The following LINGO2 variants were observed in gnomAD, a reference collection of about 807,000 sequenced individuals.
LINGO2 encodes the protein leucine-rich repeat and immunoglobulin-like domain-containing nogo receptor-interacting protein 2.
A neutral mutation model predicts 30.6 loss-of-function variants in LINGO2; 14 were observed. The ratio of observed to expected loss-of-function variants is 0.46; its 90% CI spans 0.30 to 0.72. LINGO2 has a LOEUF of 0.72. LINGO2 is among the 30% of genes least tolerant of loss of function. The pLI is 0.07. For synonymous variants in LINGO2, 317 were observed against 288.5 expected, an observed-to-expected ratio of 1.10 and a Z score of -1.00; for missense variants, 729 against 751.7, an observed-to-expected ratio of 0.97 and a Z score of 0.35.
intron 3 of LINGO2, among the ~76,000 whole-genome samples, chr9:28,309,306 C>G (rs577356545): frequency 6.6e-6 from 1 of 151,796 alleles, no homozygotes; most frequent in African/African-American, 2.4e-5. Flanking sequence ...ATTGGAAATC[C>G]TCATTCTCAG....
the LINGO2 span, among the ~76,000 whole-genome samples, chr9:28,704,550 C>A: frequency 2.6e-5 from 4 of 151,826 alleles, no homozygotes; most frequent in African/African-American, 7.3e-5. Flanking sequence ...GAAGTTATAC[C>A]ATTTGTAATT....
At chr9:28,288,781 G>A (rs990286336) in intron 4 of LINGO2, among the ~76,000 whole-genome samples, 1 of 152,172 alleles carries the variant, frequency 6.6e-6, no homozygotes, top group African/African-American at 2.4e-5. Flanking sequence ...ATCTAAGAAT[G>A]TGAAGAGTTA....
intron 4 of LINGO2, among the ~76,000 whole-genome samples, chr9:28,206,081 C>T (rs1820397984): frequency 7.0e-6 from 1 of 143,832 alleles, no homozygotes; most frequent in South Asian, 2.3e-4. Context: ...GGGAGAATTG[C>T]TTGAACCCAG....
intron 2 of LINGO2, among the ~76,000 whole-genome samples, chr9:28,383,076 C>A (rs538349051): frequency 6.6e-6 from 1 of 152,108 alleles, no homozygotes; most frequent in East Asian, 1.9e-4. Context: ...AGAGCTAAGT[C>A]CCCTGAGTCC....
intron 4 of LINGO2, among the ~76,000 whole-genome samples, chr9:28,039,699 AACTC>A (rs1338627331): frequency 1.3e-5 from 2 of 152,146 alleles, no homozygotes; most frequent in Non-Finnish European, 2.9e-5. Flanking sequence ...AGTGAAGGCT[AACTC>A]AATCATGGCA....
chr9:28,382,507 C>T (rs1821394974), intron 2 of LINGO2, among the ~76,000 whole-genome samples: 1 of 152,104 alleles, frequency 6.6e-6, no homozygotes, highest in Admixed American at 6.6e-5. Context: ...AGCTGAACAG[C>T]AATTAAACAC....
At chr9:28,226,675 GAA>G (rs1219036900) in intron 4 of LINGO2, among the ~76,000 whole-genome samples, 2 of 95,668 alleles carry the variant, frequency 2.1e-5, no homozygotes, top group Non-Finnish European at 4.0e-5. Flanking sequence ...AAGAAAGAAA[GAA>G]AGAAAGAAAG....
At chr9:28,982,032 C>A in the LINGO2 span, among the ~76,000 whole-genome samples, 3 of 152,040 alleles carry the variant, frequency 2.0e-5, no homozygotes, top group South Asian at 6.2e-4. Context: ...TTTCAGTAAC[C>A]AGATATATAA....
chr9:28,131,669 A>ATT (rs1827381569), intron 4 of LINGO2, among the ~76,000 whole-genome samples: 1 of 152,154 alleles, frequency 6.6e-6, no homozygotes, highest in African/African-American at 2.4e-5. Flanking sequence ...GCCCATAATA[A>ATT]TCAGATGCTT....
intron 5 of LINGO2, among the ~76,000 whole-genome samples, chr9:27,981,620 T>C (rs576479976): frequency 6.6e-4 from 95 of 144,028 alleles, no homozygotes; most frequent in African/African-American, 2.4e-3. Flanking sequence ...GGAACTCTTA[T>C]AACCCACCCA....
intron 1 of LINGO2, among the ~76,000 whole-genome samples, chr9:28,622,495 T>C (rs1826448573): frequency 6.6e-6 from 1 of 152,080 alleles, no homozygotes; most frequent in African/African-American, 2.4e-5. Context: ...TGATCTCCAG[T>C]TCCATGTATG....
intron 1 of LINGO2, among the ~76,000 whole-genome samples, chr9:28,476,479 G>A (rs371404322): frequency 6.6e-6 from 1 of 151,906 alleles, no homozygotes; most frequent in Non-Finnish European, 1.5e-5. Context: ...GTTTCACCGT[G>A]TTAGCCAGGA....
intron 3 of LINGO2, among the ~76,000 whole-genome samples, chr9:28,343,075 C>T (rs568221669): frequency 1.7e-3 from 253 of 152,118 alleles, no homozygotes; most frequent in Non-Finnish European, 3.0e-3. Flanking sequence ...TTTTATAAAG[C>T]ATATGACAAT....
the LINGO2 span, among the ~76,000 whole-genome samples, chr9:28,870,344 A>G: frequency 3.3e-5 from 5 of 152,062 alleles, no homozygotes; most frequent in Non-Finnish European, 5.9e-5. Context: ...ACCTAAACAT[A>G]TAACTTCATG....
the LINGO2 span, among the ~76,000 whole-genome samples, chr9:29,049,235 T>C: frequency 1.3e-5 from 2 of 152,096 alleles, no homozygotes; most frequent in East Asian, 3.8e-4. Flanking sequence ...CATTGGTCAT[T>C]AGAGAAATGC....
chr9:28,362,166 G>A (rs76731848), intron 3 of LINGO2, among the ~76,000 whole-genome samples: 3,044 of 152,262 alleles, frequency 0.02, 85 homozygotes, highest in African/African-American at 0.068. Flanking sequence ...ACCAATATAA[G>A]CCAAACTAGG....
At chr9:28,376,034 A>G (rs1458202234) in intron 2 of LINGO2, among the ~76,000 whole-genome samples, 1 of 152,154 alleles carries the variant, frequency 6.6e-6, no homozygotes, top group African/African-American at 2.4e-5. Context: ...TAAGGGCAGA[A>G]AAGAATATCT....
the LINGO2 span, among the ~76,000 whole-genome samples, chr9:29,165,711 G>T: frequency 2.0e-5 from 3 of 151,946 alleles, no homozygotes; most frequent in African/African-American, 7.2e-5. Context: ...TATTTACAAA[G>T]AACTAAATTA....
intron 2 of LINGO2, among the ~76,000 whole-genome samples, chr9:28,412,616 A>C (rs951931114): frequency 2.0e-5 from 3 of 152,070 alleles, no homozygotes; most frequent in Non-Finnish European, 4.4e-5. Context: ...TTGCATTTCT[A>C]TAGTACTAAT....
Sources: gnomAD v4.1 joint callset for allele counts (sites outside exome capture counted in the v4.1 genomes callset) on GRCh38, gnomAD v4.1.1 for gene constraint, MANE v1.5 for transcripts, NCBI Gene and HGNC (gene_info 2026-07-23, HGNC 2026-07-21) for gene names.